The following HSDL1 variants were observed in gnomAD, a reference collection of about 807,000 sequenced individuals.
HSDL1 encodes hydroxysteroid dehydrogenase like 1.
Under a neutral mutation model 31.5 loss-of-function variants are expected in HSDL1, and 29 were observed. That is an observed-to-expected ratio of 0.92 (90% CI 0.69 to 1.26). The LOEUF (loss-of-function observed/expected upper bound fraction) is 1.26, where lower values mean the gene tolerates loss of function less well. HSDL1 is among the 50% of genes most tolerant of loss of function. The probability of loss-of-function intolerance (pLI) is 0.00; values close to 1 mark genes in which losing one functional copy is unlikely to be tolerated. For synonymous variants in HSDL1, 222 were observed against 155.2 expected (o/e 1.43, Z -3.20); for missense variants, 503 against 416.6 (o/e 1.21, Z -1.81).
Position 84,123,354 on chromosome 16 carries a change from A to T in HSDL1, c.*1276T>A, listed in dbSNP as rs1252713985. 2 of 152,242 alleles carry T rather than the reference A, an allele frequency of 1.3e-5. No homozygotes were observed. Among genetic ancestry groups the T allele is most frequent in the Non-Finnish European group, 2.9e-5 (2 of 68,040 alleles). 9.4% of individuals were successfully genotyped at this position (152,242 alleles called of 1,614,324 possible). A position where few individuals can be genotyped will look rare whatever the true frequency, so the allele number is the denominator to read the frequency against. On this transcript the variant is annotated 3_prime_UTR_variant, in exon 6 of 6. Transcript: ENST00000219439. Reference sequence around the variant, plus strand: ...TCAGTATCACAATGCCGAGCTCTGAATTTTAAATGTGCACATATTGTCATA... The same window carrying T: ...TCAGTATCACAATGCCGAGCTCTGATTTTTAAATGTGCACATATTGTCATA...
At chr16:84,134,747 G>A (rs918344906) in intron 2 of HSDL1, among the ~76,000 whole-genome samples, 3 of 152,082 alleles carry the variant, frequency 2.0e-5, no homozygotes, top group African/African-American at 7.2e-5. Context: ...AAGGCCATGA[G>A]GAAAGTAAAT....
At chr16:84,130,558 A>G (rs1398397183) in intron 3 of HSDL1, 127 bp from the exon 4 acceptor site, 8 of 725,202 alleles carry the variant, frequency 1.1e-5, no homozygotes, top group South Asian at 7.2e-5. Flanking sequence ...CGGTTCTAGT[A>G]TCTACAAGTC....
At chr16:84,134,923 G>C (rs1218849607) in intron 2 of HSDL1, among the ~76,000 whole-genome samples, 1 of 152,112 alleles carries the variant, frequency 6.6e-6, no homozygotes, top group African/African-American at 2.4e-5. Flanking sequence ...TGTTAAAACA[G>C]TGTTTTCAAT....
chr16:84,136,123 TTC>T (rs755720266), intron 1 of HSDL1, among the ~76,000 whole-genome samples: 1 of 152,194 alleles, frequency 6.6e-6, no homozygotes, highest in Non-Finnish European at 1.5e-5. Context: ...CTGCCCTGGC[TTC>T]TCTTTCCAAA....
intron 1 of HSDL1, among the ~76,000 whole-genome samples, chr16:84,137,873 G>T (rs1367521917): frequency 6.6e-6 from 1 of 152,218 alleles, no homozygotes; most frequent in Admixed American, 6.5e-5. Context: ...TAGATAACAA[G>T]CCTCGTCAAA....
At position 84,122,683 on chromosome 16, in the gene HSDL1, C is replaced by T. The variant is rs1334398974; in HGVS notation, c.*1947G>A. 1 of 152,204 alleles carries T rather than the reference C, an allele frequency of 6.6e-6. No individual in the cohort carries two copies. Among genetic ancestry groups the T allele is most frequent in the Non-Finnish European group, 1.5e-5 (1 of 68,036 alleles). 9.4% of individuals were successfully genotyped at this position (152,204 alleles called of 1,614,324 possible). A position where few individuals can be genotyped will look rare whatever the true frequency, so the allele number is the denominator to read the frequency against. ...TCCCACATTCTTAATGACACCCCAT[C>T]CACAGTGGTCCAATCAACTTTCAAA... On this transcript the variant is annotated 3_prime_UTR_variant, in exon 6 of 6. Transcript: ENST00000219439.
At chr16:84,137,776 C>A (rs2086725844) in intron 1 of HSDL1, among the ~76,000 whole-genome samples, 1 of 152,228 alleles carries the variant, frequency 6.6e-6, no homozygotes, top group Non-Finnish European at 1.5e-5. Flanking sequence ...CCCAGAGCCA[C>A]CAAATTTCAA....
At chr16:84,131,951 G>A (rs1482715108) in intron 2 of HSDL1, among the ~76,000 whole-genome samples, 2 of 152,218 alleles carry the variant, frequency 1.3e-5, no homozygotes, top group Non-Finnish European at 2.9e-5. Context: ...AAAGTGCTGG[G>A]ATTACAGGTG....
chr16:84,138,906 T>C (rs2086738180), intron 1 of HSDL1, among the ~76,000 whole-genome samples: 1 of 152,178 alleles, frequency 6.6e-6, no homozygotes, highest in Non-Finnish European at 1.5e-5. Context: ...TGTAACATGA[T>C]CCCACTCCAC....
intron 3 of HSDL1, among the ~76,000 whole-genome samples, chr16:84,130,738 T>C (rs1360097984): frequency 6.6e-6 from 1 of 152,216 alleles, no homozygotes; most frequent in Non-Finnish European, 1.5e-5. Context: ...AGGAGGTGCT[T>C]TTCTGGGAAA....
intron 5 of HSDL1, among the ~76,000 whole-genome samples, chr16:84,126,400 C>T (rs1009114316): frequency 3.3e-5 from 5 of 151,984 alleles, no homozygotes; most frequent in African/African-American, 7.3e-5. Context: ...CAAATTTGGT[C>T]GTCACACTGG....
At chr16:84,131,483 G>GTCTGTCTGTCTATCTA (rs1232519658) in intron 2 of HSDL1, among the ~76,000 whole-genome samples, 156 bp from the exon 3 acceptor site, 33 of 144,238 alleles carry the variant, frequency 2.3e-4, no homozygotes, top group African/African-American at 8.4e-4. Flanking sequence ...CACAGTTTCA[G>GTCTGTCTGTCTATCTA]TCTATCTATC....
intron 5 of HSDL1, among the ~76,000 whole-genome samples, chr16:84,128,116 C>A (rs774537695): frequency 6.6e-6 from 1 of 151,342 alleles, no homozygotes; most frequent in Non-Finnish European, 1.5e-5. Flanking sequence ...TGGTGAAACT[C>A]CATCTCTACT....
rs564915312 is a variant in HSDL1 at position 84,145,133 on chromosome 16, G to A, written c.-122C>T. The A allele has an allele frequency of 1.2e-4, 24 of 193,304 alleles. No homozygotes were observed. The South Asian group carries it at 2.3e-3, about 18-fold the overall frequency. 12.0% of individuals were successfully genotyped at this position (193,304 alleles called of 1,614,324 possible). ...GTCCCGCCAGACCCGCGCGGCCGCCGCCCCCGTCTCGGCCGCCGGAGCTGC... is the reference window on the plus strand; with the variant it reads ...GTCCCGCCAGACCCGCGCGGCCGCCACCCCCGTCTCGGCCGCCGGAGCTGC... On this transcript the variant is annotated 5_prime_UTR_variant, in exon 1 of 6. Transcript: ENST00000219439.
At chr16:84,138,062 C>T (rs2086729111) in intron 1 of HSDL1, among the ~76,000 whole-genome samples, 1 of 152,220 alleles carries the variant, frequency 6.6e-6, no homozygotes. Context: ...AGGGCTCCAC[C>T]ACCTTGATCT....
chr16:84,144,924 C>A (rs1397408484), intron 1 of HSDL1, among the ~76,000 whole-genome samples, 156 bp downstream of exon 1: 3 of 140,080 alleles, frequency 2.1e-5, no homozygotes, highest in Non-Finnish European at 3.1e-5. Flanking sequence ...CAAGGGGCTT[C>A]GGGGCCGGAT....
At chr16:84,142,826 C>G (rs183277345) in intron 1 of HSDL1, among the ~76,000 whole-genome samples, 2 of 152,262 alleles carry the variant, frequency 1.3e-5, no homozygotes, top group African/African-American at 4.8e-5. Flanking sequence ...GTGTTCAAAG[C>G]TCAAATTTCA....
At position 84,142,507 on chromosome 16, in the gene HSDL1, C is replaced by T. The variant is rs562231088; in HGVS notation, c.-69+2573G>A. On this transcript the variant is annotated intron_variant, in intron 1 of 5. Coordinates refer to ENST00000219439, the MANE Select transcript of HSDL1 (RefSeq NM_031463.5). ...CTGGAGTGCAATGGCGCGATCTTAG[C>T]TCACTGCAACCTCCTCCTTCCAAGT... Among the ~76,000 whole-genome samples the T allele has an allele frequency of 1.1e-4, 15 of 132,120 alleles. No homozygotes were observed. In the South Asian group the frequency reaches 3.5e-3, roughly 31 times the overall value. The allele number at this position is 132,120 out of a possible 152,430, so 86.7% of individuals were successfully genotyped here.
intron 5 of HSDL1, among the ~76,000 whole-genome samples, chr16:84,128,104 CA>C (rs2086627253): frequency 6.6e-6 from 1 of 151,518 alleles, no homozygotes; most frequent in Non-Finnish European, 1.5e-5. Context: ...GCCTGACCAA[CA>C]TGGTGAAACT....
Sources: gnomAD v4.1 joint callset for allele counts (sites outside exome capture counted in the v4.1 genomes callset) on GRCh38, gnomAD v4.1.1 for gene constraint, MANE v1.5 for transcripts, NCBI Gene and HGNC (gene_info 2026-07-23, HGNC 2026-07-21) for gene names.